WDR27: variants seen among roughly 807,000 people sequenced by gnomAD.
The protein encoded by WDR27 is WD repeat-containing protein 27.
Under a neutral mutation model 114.4 loss-of-function variants are expected in WDR27, and 100 were observed. The ratio of observed to expected loss-of-function variants is 0.87; its 90% CI spans 0.74 to 1.03. The LOEUF (loss-of-function observed/expected upper bound fraction) is 1.03, where lower values mean the gene tolerates loss of function less well. Among genes scored for constraint, WDR27 ranks in the 50% least tolerant of loss-of-function variants. The pLI is 0.00. For synonymous variants in WDR27, 449 were observed against 423.1 expected, an observed-to-expected ratio of 1.06 and a Z score of -0.75; for missense variants, 1,129 against 1,092.9, an observed-to-expected ratio of 1.03 and a Z score of -0.47.
At chr6:169,620,750 T>C (rs1244435565) in intron 21 of WDR27, among the ~76,000 whole-genome samples, 1 of 152,182 alleles carries the variant, frequency 6.6e-6, no homozygotes, top group Admixed American at 6.5e-5. Flanking sequence ...AAATAAACTT[T>C]CTAAACTGAC....
intron 25 of WDR27, among the ~76,000 whole-genome samples, chr6:169,511,730 A>T (rs73789988): frequency 0.02 from 2,985 of 152,256 alleles, 92 homozygotes; most frequent in African/African-American, 0.063. Flanking sequence ...GCTCTAGATA[A>T]TATCTGAGTA....
At chr6:169,668,852 A>G (rs1828612381) in intron 4 of WDR27, 1 of 152,274 alleles carries the variant, frequency 6.6e-6, no homozygotes, top group Admixed American at 6.5e-5. Flanking sequence ...TAACTTACAA[A>G]CAGACATTTA....
chr6:169,546,531 C>T (rs550738857), intron 25 of WDR27, among the ~76,000 whole-genome samples: 129 of 152,264 alleles, frequency 8.5e-4, no homozygotes, highest in South Asian at 3.5e-3. Context: ...CTCAGACTTG[C>T]CTGGCCGCAG....
intron 25 of WDR27, among the ~76,000 whole-genome samples, chr6:169,476,305 T>G (rs1787153507): frequency 6.6e-6 from 1 of 152,216 alleles, no homozygotes; most frequent in African/African-American, 2.4e-5. Context: ...GCTGGCTCCT[T>G]GCTCCTTGCT....
chr6:169,681,359 T>C (rs993918913), intron 2 of WDR27, among the ~76,000 whole-genome samples: 1 of 152,184 alleles, frequency 6.6e-6, no homozygotes, highest in Non-Finnish European at 1.5e-5. Flanking sequence ...CACCCATCCA[T>C]GGTCCAAAGT....
chr6:169,629,819 C>T (rs1302647968), intron 21 of WDR27, among the ~76,000 whole-genome samples: 2 of 149,374 alleles, frequency 1.3e-5, no homozygotes, highest in Non-Finnish European at 3.0e-5. Context: ...CCCAGCTACT[C>T]GGGAGGCTGA....
the WDR27 span, among the ~76,000 whole-genome samples, chr6:169,445,703 G>A: frequency 0.012 from 1,767 of 152,370 alleles, 35 homozygotes; most frequent in African/African-American, 0.036. Flanking sequence ...CTCTGGGCCC[G>A]CCCTGCTTCA....
At chr6:169,460,272 A>C (rs997558330) in intron 25 of WDR27, among the ~76,000 whole-genome samples, 12 of 152,212 alleles carry the variant, frequency 7.9e-5, no homozygotes, top group African/African-American at 2.9e-4. Flanking sequence ...ATATGTAAAA[A>C]TGTAATTTTG....
At chr6:169,508,797 GA>G (rs1399701149) in intron 25 of WDR27, among the ~76,000 whole-genome samples, 1 of 152,210 alleles carries the variant, frequency 6.6e-6, no homozygotes, top group Non-Finnish European at 1.5e-5. Flanking sequence ...ATACTTTGTA[GA>G]AAATATTTGA....
At chr6:169,592,507 T>C (rs1370288715) in intron 23 of WDR27, among the ~76,000 whole-genome samples, 1 of 152,186 alleles carries the variant, frequency 6.6e-6, no homozygotes, top group Non-Finnish European at 1.5e-5. Context: ...TTTATATCTA[T>C]AAAGACCATT....
At chr6:169,580,716 T>C (rs775232647) in intron 24 of WDR27, among the ~76,000 whole-genome samples, 3 of 152,100 alleles carry the variant, frequency 2.0e-5, no homozygotes, top group Non-Finnish European at 1.5e-5. Context: ...TAAGAGTTAC[T>C]GTAGTCATGG....
intron 23 of WDR27, among the ~76,000 whole-genome samples, chr6:169,593,897 A>G (rs1018944568): frequency 6.6e-6 from 1 of 151,818 alleles, no homozygotes; most frequent in Non-Finnish European, 1.5e-5. Flanking sequence ...AAACACAACT[A>G]GTGTTTTAAT....
chr6:169,630,482 A>G (rs1816060906), intron 21 of WDR27, among the ~76,000 whole-genome samples: 1 of 152,236 alleles, frequency 6.6e-6, no homozygotes, highest in African/African-American at 2.4e-5. Context: ...TTTGCGTGGA[A>G]GTTTCACTAA....
the WDR27 span, among the ~76,000 whole-genome samples, chr6:169,437,663 C>G: frequency 2.6e-5 from 4 of 152,016 alleles, no homozygotes; most frequent in Admixed American, 2.0e-4. Context: ...TGTTGCTTAA[C>G]TATAGTTCCT....
At chr6:169,662,548 C>A (rs6911006) in intron 8 of WDR27, 124 bp from the exon 9 acceptor site, 1 of 1,278,148 alleles carries the variant, frequency 7.8e-7, no homozygotes, top group Non-Finnish European at 1.1e-6. Context: ...TCGGATCACG[C>A]GTCGAGGAAA....
At chr6:169,553,058 C>CTGTGTG (rs3033612) in intron 25 of WDR27, among the ~76,000 whole-genome samples, 2,285 of 30,146 alleles carry the variant, frequency 0.076, 650 homozygotes, top group East Asian at 0.18. Flanking sequence ...CCTGGAGGGC[C>CTGTGTG]TGTGTGTGTG....
chr6:169,687,666 T>C (rs1040804172), intron 2 of WDR27, among the ~76,000 whole-genome samples: 6 of 152,154 alleles, frequency 3.9e-5, no homozygotes, highest in Non-Finnish European at 5.9e-5. Context: ...CTACTGAATA[T>C]AGACATCCCT....
intron 22 of WDR27, among the ~76,000 whole-genome samples, 169 bp downstream of exon 22, chr6:169,613,390 G>A (rs1811064743): frequency 6.6e-6 from 1 of 152,192 alleles, no homozygotes; most frequent in African/African-American, 2.4e-5. Context: ...AGTACCTAGT[G>A]CTTCACCCTT....
chr6:169,591,715 A>G (rs985352966), intron 23 of WDR27, among the ~76,000 whole-genome samples: 7 of 152,160 alleles, frequency 4.6e-5, no homozygotes, highest in African/African-American at 1.7e-4. Flanking sequence ...CCGCTGGCCA[A>G]CAGAATACGG....
Sources: gnomAD v4.1 joint callset for allele counts (sites outside exome capture counted in the v4.1 genomes callset) on GRCh38, gnomAD v4.1.1 for gene constraint, MANE v1.5 for transcripts, NCBI Gene and HGNC (gene_info 2026-07-23, HGNC 2026-07-21) for gene names.